DRC9: variants seen among roughly 807,000 people sequenced by gnomAD.
DRC9 encodes the protein dynein regulatory complex protein 9.
At chr3:197,955,599 G>A in the DRC9 span, 1 of 725,746 alleles carries the variant, frequency 1.4e-6, no homozygotes, top group Non-Finnish European at 2.5e-6. Flanking sequence ...CTTACGGTAT[G>A]TTCACGTAGA....
chr3:197,889,837 G>A, the DRC9 span: 3 of 1,158,226 alleles, frequency 2.6e-6, no homozygotes, highest in African/African-American at 3.0e-5. Context: ...TCCAGGACAT[G>A]GAAGTAGCCA....
chr3:197,891,432 T>C, the DRC9 span: 1 of 1,397,288 alleles, frequency 7.2e-7, no homozygotes. Flanking sequence ...GAGATACTGA[T>C]TATGGTTCTT....
At chr3:197,912,123 C>A in the DRC9 span, among the ~76,000 whole-genome samples, 90 of 152,144 alleles carry the variant, frequency 5.9e-4, no homozygotes, top group African/African-American at 2.1e-3. Flanking sequence ...TCACTGCATC[C>A]TCTGCCTCCC....
the DRC9 span, chr3:197,954,554 G>T: frequency 1.6e-5 from 5 of 317,394 alleles, no homozygotes; most frequent in Admixed American, 9.6e-5. Context: ...TTGTCACGCA[G>T]GCTGGAGTGC....
At chr3:197,907,746 T>C in the DRC9 span, among the ~76,000 whole-genome samples, 2 of 151,844 alleles carry the variant, frequency 1.3e-5, no homozygotes, top group African/African-American at 4.8e-5. Flanking sequence ...GATGAAGTTA[T>C]CACAGGGGTG....
At chr3:197,943,835 G>C in the DRC9 span, 8,094 of 1,614,112 alleles carry the variant, frequency 5.0e-3, 363 homozygotes, top group African/African-American at 0.094. Flanking sequence ...TCAGAATAGA[G>C]AGCTGGTCTG....
the DRC9 span, among the ~76,000 whole-genome samples, chr3:197,919,989 C>T: frequency 6.6e-6 from 1 of 150,386 alleles, no homozygotes; most frequent in Admixed American, 6.6e-5. Flanking sequence ...CACTTGAGGT[C>T]AAGAGTTCGA....
At chr3:197,951,648 T>C in the DRC9 span, 2 of 321,830 alleles carry the variant, frequency 6.2e-6, no homozygotes, top group Non-Finnish European at 1.2e-5. Flanking sequence ...CCACCGCGCC[T>C]GGCCTCATTA....
the DRC9 span, chr3:197,938,822 G>C: frequency 7.2e-7 from 1 of 1,396,754 alleles, no homozygotes; most frequent in Non-Finnish European, 1.0e-6. Flanking sequence ...TTTTTAAAGA[G>C]ACAATACAAC....
chr3:197,920,238 A>G, the DRC9 span, among the ~76,000 whole-genome samples: 6 of 151,762 alleles, frequency 4.0e-5, no homozygotes, highest in African/African-American at 1.4e-4. Flanking sequence ...ATAAATTAAC[A>G]TTTCTATTTG....
the DRC9 span, among the ~76,000 whole-genome samples, chr3:197,919,178 G>A: frequency 6.6e-6 from 1 of 152,294 alleles, no homozygotes; most frequent in East Asian, 1.9e-4. Flanking sequence ...TAATGCCGTT[G>A]CCATGGGCCT....
the DRC9 span, chr3:197,950,523 A>G: frequency 3.3e-6 from 1 of 303,866 alleles, no homozygotes; most frequent in Non-Finnish European, 5.9e-6. Flanking sequence ...GTTTCCTCCC[A>G]GTCCATACCT....
the DRC9 span, chr3:197,954,064 C>T: frequency 3.1e-6 from 5 of 1,614,064 alleles, no homozygotes; most frequent in African/African-American, 4.0e-5. Flanking sequence ...AAAAGTAACT[C>T]GGGCCCATGG....
chr3:197,899,082 G>GT, the DRC9 span, among the ~76,000 whole-genome samples: 21 of 152,186 alleles, frequency 1.4e-4, no homozygotes, highest in Admixed American at 1.4e-3. Context: ...CTAGGGAGAC[G>GT]TAAGTTACAA....
chr3:197,948,430 C>T, the DRC9 span, among the ~76,000 whole-genome samples: 1 of 152,176 alleles, frequency 6.6e-6, no homozygotes, highest in Admixed American at 6.6e-5. Context: ...CAGTTTCCCC[C>T]CACTAGACAA....
the DRC9 span, among the ~76,000 whole-genome samples, chr3:197,902,164 T>A: frequency 6.6e-6 from 1 of 152,264 alleles, no homozygotes; most frequent in Non-Finnish European, 1.5e-5. Context: ...AATTAGGGGC[T>A]TGGAGTGTTC....
chr3:197,945,121 CAGA>C, the DRC9 span, among the ~76,000 whole-genome samples: 276 of 152,212 alleles, frequency 1.8e-3, 2 homozygotes, highest in Non-Finnish European at 3.1e-3. Flanking sequence ...CCTATGTAAC[CAGA>C]AGGTTACGGT....
the DRC9 span, among the ~76,000 whole-genome samples, chr3:197,912,331 T>C: frequency 6.6e-6 from 1 of 152,208 alleles, no homozygotes; most frequent in Admixed American, 6.5e-5. Context: ...TGAGCCACTG[T>C]GCCCAGCCCA....
chr3:197,941,227 TTCCCTTCC>T, the DRC9 span, among the ~76,000 whole-genome samples: 1 of 126,948 alleles, frequency 7.9e-6, no homozygotes, highest in Non-Finnish European at 1.6e-5. Flanking sequence ...CCTCCCTCCC[TTCCCTTCC>T]CTCTCCCTGC....
Sources: gnomAD v4.1 joint callset for allele counts (sites outside exome capture counted in the v4.1 genomes callset) on GRCh38, gnomAD v4.1.1 for gene constraint, MANE v1.5 for transcripts, NCBI Gene and HGNC (gene_info 2026-07-23, HGNC 2026-07-21) for gene names.